CR1: variants seen among roughly 807,000 people sequenced by gnomAD.
The protein encoded by CR1 is complement receptor type 1.
Under a neutral mutation model 187.3 loss-of-function variants are expected in CR1, and 116 were observed. The observed-to-expected ratio is 0.62, with a 90% CI of 0.53 to 0.72. The LOEUF (loss-of-function observed/expected upper bound fraction) is 0.72, where lower values mean the gene tolerates loss of function less well. Among genes scored for constraint, CR1 ranks in the 30% least tolerant of loss-of-function variants. The pLI is 0.00. For synonymous variants in CR1, 576 were observed against 747.1 expected, an observed-to-expected ratio of 0.77 and a Z score of 3.73; for missense variants, 1,731 against 2,110.7, an observed-to-expected ratio of 0.82 and a Z score of 3.52.
intron 35 of CR1, among the ~76,000 whole-genome samples, chr1:207,604,836 A>C (rs565638136): frequency 1.8e-4 from 27 of 152,304 alleles, no homozygotes; most frequent in African/African-American, 6.5e-4. Flanking sequence ...TAGAGAGTAG[A>C]AAGGTGGTTA....
At chr1:207,586,940 AC>A (rs1383087623) in intron 33 of CR1, among the ~76,000 whole-genome samples, 4 of 152,190 alleles carry the variant, frequency 2.6e-5, no homozygotes, top group Non-Finnish European at 5.9e-5. Flanking sequence ...TCAACTCACT[AC>A]AAGGGGTACC....
At chr1:207,590,600 A>G (rs569842849) in intron 35 of CR1, among the ~76,000 whole-genome samples, 16 of 152,366 alleles carry the variant, frequency 1.1e-4, no homozygotes, top group African/African-American at 3.1e-4. Flanking sequence ...GATCAAATTT[A>G]CACATAACAA....
chr1:207,603,820 CA>C (rs1449944228), intron 35 of CR1, among the ~76,000 whole-genome samples: 1 of 152,090 alleles, frequency 6.6e-6, no homozygotes, highest in Non-Finnish European at 1.5e-5. Flanking sequence ...CAACTGTTAG[CA>C]AAAACACTAC....
chr1:207,506,647 C>A, intron 2 of CR1, 67 bp from the exon 3 acceptor site: 1 of 1,297,668 alleles, frequency 7.7e-7, no homozygotes, highest in Non-Finnish European at 1.1e-6. Flanking sequence ...CAGGTTGAGA[C>A]CTTATGTACT....
intron 35 of CR1, among the ~76,000 whole-genome samples, chr1:207,593,743 G>A (rs775567623): frequency 7.2e-5 from 11 of 152,066 alleles, no homozygotes; most frequent in Non-Finnish European, 1.5e-4. Flanking sequence ...AATCTACAAG[G>A]AACTTAAACA....
chr1:207,639,678 T>C lies in CR1; in HGVS notation c.*269T>C, dbSNP rs1662922986. 2.9e-6 allele frequency: 1 copy of C among 348,452 alleles called. No homozygotes were observed. Among genetic ancestry groups the C allele is most frequent in the Non-Finnish European group, 5.2e-6 (1 of 192,730 alleles). The allele number at this position is 348,452 out of a possible 1,614,324, so 21.6% of individuals were successfully genotyped here. A position where few individuals can be genotyped will look rare whatever the true frequency, so the allele number is the denominator to read the frequency against. ...AGGGGAAAAGACTGCATTTAGGAGATAGAAAATAGTTTGGATTACTTAAAG... is the reference window on the plus strand; with the variant it reads ...AGGGGAAAAGACTGCATTTAGGAGACAGAAAATAGTTTGGATTACTTAAAG... On this transcript the variant is annotated 3_prime_UTR_variant, in exon 47 of 47. Transcript: ENST00000367049.
At chr1:207,629,601 T>C (rs1390555995) in intron 45 of CR1, among the ~76,000 whole-genome samples, 1 of 152,192 alleles carries the variant, frequency 6.6e-6, no homozygotes, top group African/African-American at 2.4e-5. Context: ...CATAAGATGG[T>C]AAAGAATAAC....
At chr1:207,518,417 T>C (rs1659869219) in intron 4 of CR1, among the ~76,000 whole-genome samples, 1 of 152,306 alleles carries the variant, frequency 6.6e-6, no homozygotes, top group South Asian at 2.1e-4. Context: ...AGTCTTTTTT[T>C]CCCCCTCCAC....
Position 207,568,118 on chromosome 1 carries a change from G to A in CR1, c.4171+76G>A, listed in dbSNP as rs931554590. Reference sequence around the variant, plus strand: ...GCCCCTCCATATTTCCATAATTACAGTGTAGTATTTATTTGTATGTATGCA... The same window carrying A: ...GCCCCTCCATATTTCCATAATTACAATGTAGTATTTATTTGTATGTATGCA... On this transcript the variant is annotated intron_variant, in intron 25 of 46. Transcript: ENST00000367049. The A allele has an allele frequency of 1.9e-5, 30 of 1,609,208 alleles. 1 individual carries two copies. In the Admixed American group the frequency reaches 2.0e-4, roughly 11 times the overall value.
At chr1:207,521,567 C>T (rs115909992) in intron 4 of CR1, among the ~76,000 whole-genome samples, 212 of 149,752 alleles carry the variant, frequency 1.4e-3, no homozygotes, top group African/African-American at 5.0e-3. Context: ...TTAATTTCAG[C>T]AATCATATTT....
In CR1 at chr1:207,609,663, G is replaced by T; in HGVS notation, c.6270G>T (p.Gly2090=). The T allele has an allele frequency of 1.3e-6, 2 of 1,590,862 alleles. No homozygotes were observed. Among genetic ancestry groups the T allele is most frequent in the Non-Finnish European group, 1.7e-6 (2 of 1,168,926 alleles). The change falls in exon 37 of 47, where the codon GGG becomes GGT. Residue 2090 remains glycine, a synonymous_variant. Coordinates refer to ENST00000367049, the MANE Select transcript of CR1 (RefSeq NM_000651.6). ...AGTGCCAGACCAATGGCAGATGGGG[G>T]CCCAAGCTGCCACACTGCTCCAGGG... The part of the protein sequence containing the change: ...TVQCQTNGRW[G]PKLPHCSRVC...
At chr1:207,580,200 C>T in intron 29 of CR1, 40 bp from the exon 30 acceptor site, 2 of 1,604,316 alleles carry the variant, frequency 1.2e-6, no homozygotes, top group Non-Finnish European at 1.7e-6. Context: ...AGGAAATTCC[C>T]CCATAACTAA....
chr1:207,624,819 A>G (rs1259604088), intron 45 of CR1, among the ~76,000 whole-genome samples: 5 of 152,146 alleles, frequency 3.3e-5, no homozygotes, highest in Non-Finnish European at 7.4e-5. Context: ...TAGTGAGTTA[A>G]TTTTTTAAAA....
intron 4 of CR1, among the ~76,000 whole-genome samples, chr1:207,513,758 C>CCCTA: frequency 1.1e-5 from 1 of 90,128 alleles, no homozygotes; most frequent in South Asian, 7.0e-4. Context: ...CTCCCTCCCT[C>CCCTA]CCTCCCTTCC....
intron 3 of CR1, among the ~76,000 whole-genome samples, chr1:207,508,251 A>G (rs1412564151): frequency 6.6e-6 from 1 of 152,246 alleles, no homozygotes; most frequent in Non-Finnish European, 1.5e-5. Flanking sequence ...GAAGTCATAT[A>G]GTGTACAATA....
intron 46 of CR1, among the ~76,000 whole-genome samples, chr1:207,634,728 T>C (rs1291784101): frequency 6.6e-6 from 1 of 152,160 alleles, no homozygotes; most frequent in Non-Finnish European, 1.5e-5. Context: ...GTGGATACCT[T>C]GTACTAAATC....
intron 46 of CR1, among the ~76,000 whole-genome samples, chr1:207,634,958 G>C (rs1467703103): frequency 6.6e-6 from 1 of 152,022 alleles, no homozygotes; most frequent in Non-Finnish European, 1.5e-5. Context: ...CTTTTTCTTT[G>C]GACAAAATTA....
chr1:207,580,120 G>T, intron 29 of CR1, 120 bp from the exon 30 acceptor site: 1 of 1,389,864 alleles, frequency 7.2e-7, no homozygotes, highest in Non-Finnish European at 9.8e-7. Flanking sequence ...GTGAATTTGG[G>T]GCCTTGTGCT....
chr1:207,518,811 C>A (rs1659882634), intron 4 of CR1, among the ~76,000 whole-genome samples: 1 of 152,172 alleles, frequency 6.6e-6, no homozygotes, highest in African/African-American at 2.4e-5. Flanking sequence ...AGCTCGAGAT[C>A]ATTAACGTGA....
Sources: allele counts gnomAD v4.1 joint callset (sites outside exome capture counted in the v4.1 genomes callset), GRCh38; gene constraint gnomAD v4.1.1; transcripts MANE v1.5; gene names NCBI Gene and HGNC (gene_info 2026-07-23, HGNC 2026-07-21).